Variants in ACTR3C observed in about 807,000 individuals in gnomAD.
The protein encoded by ACTR3C is actin related protein 3C.
ACTR3C carries 18 observed loss-of-function variants against 26.3 expected under a neutral mutation model. The observed-to-expected ratio is 0.68, with a 90% CI of 0.47 to 1.01. The LOEUF (loss-of-function observed/expected upper bound fraction) is 1.01, where lower values mean the gene tolerates loss of function less well. Among genes scored for constraint, ACTR3C ranks in the 50% least tolerant of loss-of-function variants. ACTR3C has a pLI of 0.00. For missense variants in ACTR3C, 184 were observed against 250.7 expected (o/e 0.73, Z 1.80); for synonymous variants, 55 against 94.5 (o/e 0.58, Z 2.42).
At chr7:150,012,317 C>CTTTTTTTTTTTTTTTTTT in the ACTR3C span, among the ~76,000 whole-genome samples, 99 of 131,236 alleles carry the variant, frequency 7.5e-4, 27 homozygotes, top group Middle Eastern at 3.9e-3. Context: ...ATAAATGCAT[C>CTTTTTTTTTTTTTTTTTT]TTTTTTTTTT....
chr7:150,207,460 T>C, the ACTR3C span, among the ~76,000 whole-genome samples: 9,236 of 152,112 alleles, frequency 0.061, 890 homozygotes, highest in African/African-American at 0.21. Flanking sequence ...TTAATAGATA[T>C]GTGGGTTGAA....
the ACTR3C span, among the ~76,000 whole-genome samples, chr7:149,915,473 C>T: frequency 6.6e-6 from 1 of 151,908 alleles, no homozygotes; most frequent in Non-Finnish European, 1.5e-5. Context: ...TACAAGCAGA[C>T]AAATAGAGAC....
chr7:150,288,740 C>T (rs189165234), intron 4 of ACTR3C, among the ~76,000 whole-genome samples: 4 of 146,036 alleles, frequency 2.7e-5, no homozygotes, highest in Non-Finnish European at 5.9e-5. Context: ...ACGTCTTCCC[C>T]ACATCACCAT....
At chr7:150,072,994 G>T in the ACTR3C span, among the ~76,000 whole-genome samples, 159 of 152,240 alleles carry the variant, frequency 1.0e-3, no homozygotes, top group African/African-American at 3.6e-3. Context: ...AAACCACAGC[G>T]GAGGAAAAGA....
At chr7:150,273,814 T>C (rs1312965679) in intron 6 of ACTR3C, among the ~76,000 whole-genome samples, 1 of 151,634 alleles carries the variant, frequency 6.6e-6, no homozygotes, top group Non-Finnish European at 1.5e-5. Flanking sequence ...CTCTGAGGGA[T>C]GTCTCTAGTG....
At chr7:149,963,989 A>G in the ACTR3C span, among the ~76,000 whole-genome samples, 1 of 152,172 alleles carries the variant, frequency 6.6e-6, no homozygotes, top group Non-Finnish European at 1.5e-5. Context: ...AGGAGTGGTC[A>G]TTTAAGGCAA....
At chr7:150,227,284 C>A in the ACTR3C span, among the ~76,000 whole-genome samples, 1 of 151,296 alleles carries the variant, frequency 6.6e-6, no homozygotes, top group Admixed American at 6.6e-5. Context: ...CATATCTTCT[C>A]CTTTCCCATT....
At chr7:150,228,927 A>T in the ACTR3C span, among the ~76,000 whole-genome samples, 1 of 151,056 alleles carries the variant, frequency 6.6e-6, no homozygotes, top group Non-Finnish European at 1.5e-5. Flanking sequence ...TAACTTTGCT[A>T]TACTACTGTA....
chr7:150,142,578 G>T, the ACTR3C span, among the ~76,000 whole-genome samples: 59 of 152,280 alleles, frequency 3.9e-4, no homozygotes, highest in South Asian at 0.012. Context: ...GCCCAGGCTG[G>T]AGCGCAGTGG....
At chr7:150,284,161 T>C (rs1835573777) in intron 6 of ACTR3C, among the ~76,000 whole-genome samples, 1 of 152,224 alleles carries the variant, frequency 6.6e-6, no homozygotes, top group Non-Finnish European at 1.5e-5. Context: ...GCATCACTCT[T>C]ACTTTCCATC....
the ACTR3C span, among the ~76,000 whole-genome samples, chr7:150,031,333 G>T: frequency 1.3e-5 from 2 of 151,460 alleles, no homozygotes; most frequent in Admixed American, 1.3e-4. Flanking sequence ...AGTCACAGAA[G>T]TGTGAAGGTG....
At chr7:150,072,334 C>T in the ACTR3C span, among the ~76,000 whole-genome samples, 6 of 126,880 alleles carry the variant, frequency 4.7e-5, no homozygotes, top group South Asian at 2.9e-4. Flanking sequence ...CAGTGGCTAA[C>T]GCAAACGCTG....
chr7:150,127,477 C>A, the ACTR3C span, among the ~76,000 whole-genome samples: 1 of 151,896 alleles, frequency 6.6e-6, no homozygotes, highest in African/African-American at 2.4e-5. Context: ...CCTTTCTAGA[C>A]TTCCATCAGC....
chr7:150,156,100 T>A, the ACTR3C span, among the ~76,000 whole-genome samples: 1 of 150,544 alleles, frequency 6.6e-6, no homozygotes, highest in African/African-American at 2.5e-5. Flanking sequence ...GCCTTCCCTG[T>A]CATGAGAATT....
At chr7:149,907,531 C>T in the ACTR3C span, among the ~76,000 whole-genome samples, 1 of 132,756 alleles carries the variant, frequency 7.5e-6, no homozygotes. Context: ...CTCAGCCCAA[C>T]AATGTAACTG....
At chr7:149,999,012 C>T in the ACTR3C span, among the ~76,000 whole-genome samples, 4 of 150,348 alleles carry the variant, frequency 2.7e-5, 1 homozygote, top group Admixed American at 1.3e-4. Flanking sequence ...AGAGCCTGGA[C>T]GTTGCCCTGC....
chr7:150,045,425 T>C, the ACTR3C span, among the ~76,000 whole-genome samples: 31 of 152,276 alleles, frequency 2.0e-4, no homozygotes, highest in African/African-American at 7.5e-4. Context: ...AAAGGACATA[T>C]GTGCAATGCA....
the ACTR3C span, among the ~76,000 whole-genome samples, chr7:150,029,414 AAAAC>A: frequency 5.1e-4 from 46 of 89,798 alleles, no homozygotes; most frequent in African/African-American, 3.0e-3. Flanking sequence ...AAAAAAAAAA[AAAAC>A]AAACAAAAAA....
chr7:150,256,673 G>A lies in ACTR3C; in HGVS notation c.565-7619C>T, dbSNP rs115756150. On this transcript the variant is annotated intron_variant, in intron 6 of 7. Coordinates refer to ENST00000683684, the MANE Select transcript of ACTR3C (RefSeq NM_001164458.2). The stretch of plus-strand genomic sequence containing the variant: ...GTTGTCTACTATGCTCACTACCCGC[G>A]TGACAAAATCATTTGTACACCAAAC... Among the ~76,000 whole-genome samples the A allele has an allele frequency of 2.5e-3, 386 of 152,132 alleles. 2 individuals carry two copies. The highest frequency in any genetic ancestry group is 8.6e-3 in the African/African-American group (355 of 41,510).
Sources: gnomAD v4.1 joint callset for allele counts (sites outside exome capture counted in the v4.1 genomes callset) on GRCh38, gnomAD v4.1.1 for gene constraint, MANE v1.5 for transcripts, NCBI Gene and HGNC (gene_info 2026-07-23, HGNC 2026-07-21) for gene names.